The following PCDH15 variants were observed in gnomAD, a reference collection of about 807,000 sequenced individuals.
PCDH15 encodes the protein protocadherin related 15.
In PCDH15, 129 loss-of-function variants were observed where a neutral mutation model predicts 178.5. That is an observed-to-expected ratio of 0.72 (90% CI 0.63 to 0.84). The LOEUF is 0.84. Among genes scored for constraint, PCDH15 ranks in the 40% least tolerant of loss-of-function variants. The probability of loss-of-function intolerance (pLI) is 0.00; values close to 1 mark genes in which losing one functional copy is unlikely to be tolerated. For missense variants in PCDH15, 2,230 were observed against 2,099.9 expected (o/e 1.06, Z -1.21); for synonymous variants, 800 against 732.0 (o/e 1.09, Z -1.50).
chr10:55,259,902 C>CAAAAAAAAAAA (rs749939571), intron 1 of PCDH15, among the ~76,000 whole-genome samples: 19 of 52,008 alleles, frequency 3.7e-4, no homozygotes, highest in South Asian at 7.4e-4. Context: ...AACTCCGTCT[C>CAAAAAAAAAAA]AAAAAAAAAA....
intron 2 of PCDH15, among the ~76,000 whole-genome samples, chr10:55,486,401 T>G (rs1368206529): frequency 6.6e-6 from 1 of 151,712 alleles, no homozygotes; most frequent in African/African-American, 2.4e-5. Flanking sequence ...AACATATGTA[T>G]TCTTCAAATC....
At chr10:55,225,522 T>C (rs927232452) in intron 1 of PCDH15, among the ~76,000 whole-genome samples, 6 of 151,902 alleles carry the variant, frequency 3.9e-5, no homozygotes, top group African/African-American at 7.3e-5. Flanking sequence ...TGTCGGAAGA[T>C]AGAAAAGAGA....
chr10:54,286,400 CT>C (rs1162944605), intron 8 of PCDH15, among the ~76,000 whole-genome samples: 2 of 151,912 alleles, frequency 1.3e-5, no homozygotes, highest in African/African-American at 4.8e-5. Flanking sequence ...TCCTAGACAC[CT>C]GATTTTTTTT....
chr10:54,240,626 C>CTTT (rs1228784141), intron 8 of PCDH15, among the ~76,000 whole-genome samples: 1,385 of 79,646 alleles, frequency 0.017, 13 homozygotes, highest in Non-Finnish European at 0.022. Context: ...TTTTCTTTTG[C>CTTT]TTTTTTTTTT....
intron 1 of PCDH15, among the ~76,000 whole-genome samples, chr10:54,707,109 T>C (rs1405869085): frequency 2.6e-5 from 4 of 152,120 alleles, no homozygotes; most frequent in Admixed American, 1.3e-4. Flanking sequence ...CTGACCTCTA[T>C]AGGTAATAAA....
chr10:55,224,143 G>A (rs917953775), intron 1 of PCDH15, among the ~76,000 whole-genome samples: 2 of 152,090 alleles, frequency 1.3e-5, no homozygotes, highest in East Asian at 1.9e-4. Flanking sequence ...GGAGCTTGCA[G>A]TGAGCCAGAT....
At chr10:55,390,557 T>G (rs1396800224) in intron 2 of PCDH15, among the ~76,000 whole-genome samples, 3 of 152,208 alleles carry the variant, frequency 2.0e-5, no homozygotes, top group African/African-American at 7.2e-5. Context: ...ATGACTATAC[T>G]TGATAGCATC....
At chr10:55,433,062 C>A (rs1175665967) in intron 2 of PCDH15, among the ~76,000 whole-genome samples, 1 of 150,806 alleles carries the variant, frequency 6.6e-6, no homozygotes, top group African/African-American at 2.4e-5. Context: ...AAAACAAAAA[C>A]AGAAGTAGCA....
At chr10:54,752,481 A>G in intron 1 of PCDH15, among the ~76,000 whole-genome samples, 1 of 89,988 alleles carries the variant, frequency 1.1e-5, no homozygotes, top group East Asian at 2.2e-4. Flanking sequence ...CGTCTCAAAA[A>G]AAAAAAAAAA....
At chr10:55,216,075 T>C (rs1309552466) in intron 1 of PCDH15, among the ~76,000 whole-genome samples, 1 of 151,900 alleles carries the variant, frequency 6.6e-6, no homozygotes, top group Non-Finnish European at 1.5e-5. Flanking sequence ...TGCCAATTTT[T>C]CCTTACATGT....
chr10:55,320,428 C>T (rs72803858), upstream of PCDH15, among the ~76,000 whole-genome samples: 13,237 of 151,918 alleles, frequency 0.087, 746 homozygotes, highest in South Asian at 0.13. Context: ...TGCCTGCCAG[C>T]GCCCCAGTAC....
intron 15 of PCDH15, among the ~76,000 whole-genome samples, chr10:54,099,227 G>A (rs964240692): frequency 4.6e-5 from 7 of 152,076 alleles, no homozygotes; most frequent in African/African-American, 7.2e-5. Context: ...CAGGCTGGGC[G>A]CAGTGGCTCA....
At chr10:53,822,091 G>A in intron 32 of PCDH15, 2 of 1,614,008 alleles carry the variant, frequency 1.2e-6, no homozygotes, top group African/African-American at 1.3e-5. Flanking sequence ...ATGCCTTTTG[G>A]TTCTCTCTGA....
intron 2 of PCDH15, among the ~76,000 whole-genome samples, chr10:55,146,820 T>C (rs1838525790): frequency 6.6e-6 from 1 of 150,538 alleles, no homozygotes; most frequent in Admixed American, 6.7e-5. Context: ...AATAAGCAAT[T>C]ATCTCAAAAG....
At chr10:53,901,544 ACATCC>A (rs2082335451) in intron 26 of PCDH15, among the ~76,000 whole-genome samples, 3 of 152,220 alleles carry the variant, frequency 2.0e-5, no homozygotes, top group Admixed American at 2.0e-4. Flanking sequence ...CCCATTCCCA[ACATCC>A]CCCATGCAGC....
At chr10:55,473,530 T>G (rs1840006674) in intron 2 of PCDH15, among the ~76,000 whole-genome samples, 1 of 152,094 alleles carries the variant, frequency 6.6e-6, no homozygotes, top group South Asian at 2.1e-4. Flanking sequence ...TAGAACACCT[T>G]GAAACAGACA....
chr10:54,184,101 T>G (rs2048263077), intron 12 of PCDH15, among the ~76,000 whole-genome samples: 1 of 152,122 alleles, frequency 6.6e-6, no homozygotes, highest in African/African-American at 2.4e-5. Context: ...ATTTTATACT[T>G]TATCAATGTT....
chr10:54,719,611 C>T (rs1382759153), intron 1 of PCDH15, among the ~76,000 whole-genome samples: 1 of 151,824 alleles, frequency 6.6e-6, no homozygotes, highest in Non-Finnish European at 1.5e-5. Flanking sequence ...CTGCACTTAT[C>T]AACCTGTTAT....
At chr10:54,337,721 T>C (rs536002802) in intron 6 of PCDH15, among the ~76,000 whole-genome samples, 1 of 152,132 alleles carries the variant, frequency 6.6e-6, no homozygotes, top group African/African-American at 2.4e-5. Context: ...GGCTTGGAAA[T>C]CAACCAATCA....
Sources: gnomAD v4.1 joint callset for allele counts (sites outside exome capture counted in the v4.1 genomes callset) on GRCh38, gnomAD v4.1.1 for gene constraint, MANE v1.5 for transcripts, NCBI Gene and HGNC (gene_info 2026-07-23, HGNC 2026-07-21) for gene names.